Variants in AUH observed in about 807,000 individuals in gnomAD.
The protein encoded by AUH is methylglutaconyl-CoA hydratase, mitochondrial.
AUH carries 29 observed loss-of-function variants against 42.3 expected under a neutral mutation model. The ratio of observed to expected loss-of-function variants is 0.69; its 90% CI spans 0.51 to 0.93. The LOEUF (loss-of-function observed/expected upper bound fraction) is 0.93. Ranked by LOEUF, AUH falls within the 40% of genes least tolerant of loss-of-function variation. The pLI is 0.00. For synonymous variants in AUH, 174 were observed against 166.4 expected (o/e 1.05, Z -0.35); for missense variants, 452 against 438.1 (o/e 1.03, Z -0.28).
At chr9:91,338,096 T>C (rs143034482) in intron 3 of AUH, among the ~76,000 whole-genome samples, 10 of 152,324 alleles carry the variant, frequency 6.6e-5, no homozygotes, top group Non-Finnish European at 1.5e-4. Flanking sequence ...ACCTGCCCAT[T>C]TGATGAAAAG....
chr9:91,349,350 T>C (rs1339116380), intron 3 of AUH, among the ~76,000 whole-genome samples: 1 of 152,254 alleles, frequency 6.6e-6, no homozygotes, highest in African/African-American at 2.4e-5. Context: ...TTACCAAGAA[T>C]TGTTTATCAT....
chr9:91,227,829 G>C (rs1456277191), intron 6 of AUH, among the ~76,000 whole-genome samples: 45 of 152,162 alleles, frequency 3.0e-4, no homozygotes, highest in African/African-American at 1.1e-3. Flanking sequence ...TTTTGTCTTT[G>C]GCTCTGTTTA....
At chr9:91,300,549 C>T (rs1256399858) in intron 4 of AUH, among the ~76,000 whole-genome samples, 1 of 152,188 alleles carries the variant, frequency 6.6e-6, no homozygotes, top group Non-Finnish European at 1.5e-5. Context: ...CAATCTGCCA[C>T]CCTTCTATGC....
intron 6 of AUH, among the ~76,000 whole-genome samples, chr9:91,295,209 T>A (rs1035369688): frequency 3.9e-5 from 6 of 152,192 alleles, no homozygotes; most frequent in Non-Finnish European, 8.8e-5. Flanking sequence ...CATGTAGAAC[T>A]GTGAGTCCAT....
intron 4 of AUH, chr9:91,306,550 G>C (rs1180360006): frequency 5.0e-6 from 1 of 198,352 alleles, no homozygotes; most frequent in Non-Finnish European, 9.1e-6. Flanking sequence ...TTAGAGTATG[G>C]TTTGTAGAAC....
At chr9:91,319,898 T>A (rs1209207810) in intron 4 of AUH, among the ~76,000 whole-genome samples, 1 of 152,276 alleles carries the variant, frequency 6.6e-6, no homozygotes, top group South Asian at 2.1e-4. Context: ...TGCAAGTTCC[T>A]CTCCTTCCTG....
Position 91,296,005 on chromosome 9 carries a change from CGT to C in AUH, c.655+14_655+15del. 1 of 1,613,654 alleles carries C rather than the reference CGT, an allele frequency of 6.2e-7. No individual in the cohort carries two copies. The highest frequency in any genetic ancestry group is 1.1e-5 in the South Asian group (1 of 91,076). On this transcript the variant is annotated intron_variant, in intron 6 of 9. Transcript: ENST00000375731. ...CCAAATCAAGGATTTGAGGAATGGG[CGT>C]GAACTACTCATACCTCCACCAGGAA...
At chr9:91,339,480 A>G (rs1454400868) in intron 3 of AUH, among the ~76,000 whole-genome samples, 1 of 152,238 alleles carries the variant, frequency 6.6e-6, no homozygotes, top group African/African-American at 2.4e-5. Context: ...AGAAGGTAAC[A>G]ATGAACCCTG....
At chr9:91,289,748 G>A (rs1227730965) in intron 6 of AUH, among the ~76,000 whole-genome samples, 1 of 152,036 alleles carries the variant, frequency 6.6e-6, no homozygotes, top group Non-Finnish European at 1.5e-5. Context: ...GAAAGGAGAT[G>A]GCAAAAATAT....
intron 4 of AUH, among the ~76,000 whole-genome samples, chr9:91,320,869 A>G (rs1829517145): frequency 6.6e-6 from 1 of 152,190 alleles, no homozygotes; most frequent in Non-Finnish European, 1.5e-5. Flanking sequence ...TGTTCAAATC[A>G]CTAAAAAATT....
At chr9:91,298,331 A>G (rs1827512570) in intron 4 of AUH, among the ~76,000 whole-genome samples, 1 of 152,212 alleles carries the variant, frequency 6.6e-6, no homozygotes, top group Admixed American at 6.5e-5. Context: ...TTACTTTCAT[A>G]AACATTTTTT....
intron 6 of AUH, among the ~76,000 whole-genome samples, chr9:91,271,825 C>A (rs373959696): frequency 1.3e-5 from 2 of 152,104 alleles, no homozygotes; most frequent in East Asian, 3.9e-4. Context: ...GTATTACAGG[C>A]GCCCGCCACC....
intron 6 of AUH, among the ~76,000 whole-genome samples, chr9:91,264,117 T>C (rs1564043273): frequency 1.3e-5 from 2 of 152,158 alleles, no homozygotes; most frequent in South Asian, 2.1e-4. Flanking sequence ...ATATTATATA[T>C]ACACACACAT....
At chr9:91,239,788 A>T (rs749995072) in intron 6 of AUH, among the ~76,000 whole-genome samples, 3 of 152,158 alleles carry the variant, frequency 2.0e-5, no homozygotes, top group South Asian at 2.1e-4. Context: ...ACAGAGGGCT[A>T]TGTAAGGAGA....
intron 4 of AUH, among the ~76,000 whole-genome samples, chr9:91,308,032 A>G (rs1828364749): frequency 6.6e-6 from 1 of 152,250 alleles, no homozygotes; most frequent in African/African-American, 2.4e-5. Flanking sequence ...CCAAAATACA[A>G]CGCTTAACAT....
chr9:91,217,356 C>CAA (rs1587613235), intron 7 of AUH, 29 bp from the exon 8 acceptor site: 7 of 1,600,838 alleles, frequency 4.4e-6, no homozygotes, highest in Non-Finnish European at 6.0e-6. Context: ...AAACAGACTT[C>CAA]AATTATTTTT....
At chr9:91,352,645 A>C (rs1832080785) in intron 3 of AUH, among the ~76,000 whole-genome samples, 1 of 152,146 alleles carries the variant, frequency 6.6e-6, no homozygotes, top group South Asian at 2.1e-4. Flanking sequence ...GAATCTCTTT[A>C]ATGTTTATCT....
chr9:91,274,904 A>G (rs1348852444), intron 6 of AUH, among the ~76,000 whole-genome samples: 1 of 152,238 alleles, frequency 6.6e-6, no homozygotes, highest in East Asian at 1.9e-4. Context: ...AAATGATGCT[A>G]TATCTGAAAC....
intron 4 of AUH, among the ~76,000 whole-genome samples, 158 bp from the exon 5 acceptor site, chr9:91,298,234 C>T (rs1827505319): frequency 8.9e-5 from 1 of 11,268 alleles, no homozygotes; most frequent in African/African-American, 7.0e-4. Context: ...GCATTTCCAT[C>T]ATTATTCTTC....
Sources: allele counts gnomAD v4.1 joint callset (sites outside exome capture counted in the v4.1 genomes callset), GRCh38; gene constraint gnomAD v4.1.1; transcripts MANE v1.5; gene names NCBI Gene and HGNC (gene_info 2026-07-23, HGNC 2026-07-21).